Variants in TENM3 observed in about 807,000 individuals in gnomAD.
The protein encoded by TENM3 is teneurin transmembrane protein 3, also known as teneurin-3.
TENM3 carries 63 observed loss-of-function variants against 255.1 expected under a neutral mutation model. The observed-to-expected ratio is 0.25, with a 90% CI of 0.20 to 0.30. TENM3 has a LOEUF of 0.30. Among genes scored for constraint, TENM3 ranks in the 10% least tolerant of loss-of-function variants. TENM3 has a pLI of 1.00. For synonymous variants in TENM3, 1,306 were observed against 1,322.3 expected (o/e 0.99, Z 0.27); for missense variants, 2,929 against 3,461.1 (o/e 0.85, Z 3.86).
chr4:181,558,663 G>A, the TENM3 span, among the ~76,000 whole-genome samples: 2 of 152,146 alleles, frequency 1.3e-5, no homozygotes, highest in South Asian at 4.2e-4. Flanking sequence ...AGGTTGCAAC[G>A]TTTATCAATA....
chr4:181,881,963 G>A, the TENM3 span, among the ~76,000 whole-genome samples: 62 of 152,168 alleles, frequency 4.1e-4, no homozygotes, highest in South Asian at 8.3e-4. Flanking sequence ...TGCAACTTCC[G>A]TGATTTTGTA....
intron 5 of TENM3, among the ~76,000 whole-genome samples, chr4:182,646,434 C>T (rs1752747498): frequency 1.3e-5 from 2 of 152,114 alleles, no homozygotes. Context: ...CACGAGGCTA[C>T]TGGATGTGGC....
the TENM3 span, among the ~76,000 whole-genome samples, chr4:181,957,704 C>G: frequency 6.6e-6 from 1 of 152,134 alleles, no homozygotes; most frequent in Non-Finnish European, 1.5e-5. Flanking sequence ...TAGGCAGACA[C>G]TAGTTTGCTA....
At chr4:181,645,347 C>T in the TENM3 span, among the ~76,000 whole-genome samples, 712 of 152,240 alleles carry the variant, frequency 4.7e-3, 8 homozygotes, top group African/African-American at 0.016. Context: ...CATGGTGCCC[C>T]TCTGTGGCCA....
intron 1 of TENM3, among the ~76,000 whole-genome samples, chr4:182,285,766 AG>A (rs1320607063): frequency 6.6e-6 from 1 of 152,178 alleles, no homozygotes; most frequent in Admixed American, 6.6e-5. Context: ...GTGTGCGTGG[AG>A]CTACCAGAGA....
chr4:182,285,845 T>A (rs906415595), intron 1 of TENM3, among the ~76,000 whole-genome samples: 1 of 149,948 alleles, frequency 6.7e-6, no homozygotes, highest in South Asian at 2.1e-4. Flanking sequence ...CCAAAACCAC[T>A]AACCATAAAA....
chr4:182,325,198 T>C (rs1763314418), intron 2 of TENM3, among the ~76,000 whole-genome samples: 2 of 152,214 alleles, frequency 1.3e-5, no homozygotes, highest in Admixed American at 6.5e-5. Flanking sequence ...TTCATTCTTT[T>C]CCAATCACCG....
rs986084686 is a variant in TENM3 at position 182,356,719 on chromosome 4, T to A, written c.511+9790T>A. Among the ~76,000 whole-genome samples the A allele has an allele frequency of 3.9e-5, 6 of 152,048 alleles. No individual in the cohort carries two copies. In the South Asian group the frequency reaches 1.2e-3, roughly 32 times the overall value. On this transcript the variant is annotated intron_variant, in intron 3 of 27. Coordinates refer to ENST00000511685, the MANE Select transcript of TENM3 (RefSeq NM_001080477.4). ...TAAATATATTTTTAAAATTATTATT[T>A]TTTTATTATTATTATACTTTAAGTT...
chr4:182,141,694 C>G (rs1185307224), upstream of TENM3: 1 of 152,200 alleles, frequency 6.6e-6, no homozygotes, highest in Non-Finnish European at 1.5e-5. Flanking sequence ...TACTGAAAAA[C>G]TTTGAATCTC....
chr4:182,680,744 A>C lies in TENM3; in HGVS notation c.1834+7A>C. ...GGAGAAAGTTGTGAAGAAGGTAAAC[A>C]TGTCAATATTCACAGAAGTCTGTTG... On this transcript the variant is annotated splice_region_variant and intron_variant, in intron 10 of 27. Coordinates refer to ENST00000511685, the MANE Select transcript of TENM3 (RefSeq NM_001080477.4). 6.5e-7 allele frequency: 1 copy of C among 1,541,170 alleles called. No homozygotes were observed. Among genetic ancestry groups the C allele is most frequent in the South Asian group, 1.2e-5 (1 of 80,208 alleles).
chr4:181,751,805 G>A, the TENM3 span, among the ~76,000 whole-genome samples: 6 of 152,120 alleles, frequency 3.9e-5, no homozygotes, highest in African/African-American at 1.4e-4. Flanking sequence ...TTGTGTTGGG[G>A]TGGGAGTTTT....
chr4:182,157,753 CTT>C (rs1266433610), intron 1 of TENM3, among the ~76,000 whole-genome samples: 1 of 152,160 alleles, frequency 6.6e-6, no homozygotes, highest in Non-Finnish European at 1.5e-5. Flanking sequence ...AAAGACAAGA[CTT>C]TGACCAGGAG....
the TENM3 span, among the ~76,000 whole-genome samples, chr4:181,513,847 AC>A: frequency 1.3e-5 from 2 of 152,084 alleles, no homozygotes; most frequent in Non-Finnish European, 2.9e-5. Context: ...ACCACCTAAA[AC>A]CAGCCACTTG....
chr4:181,464,382 C>G, the TENM3 span, among the ~76,000 whole-genome samples: 1 of 152,130 alleles, frequency 6.6e-6, no homozygotes, highest in Non-Finnish European at 1.5e-5. Flanking sequence ...TTTTCATTTG[C>G]CTTTACCTAA....
the TENM3 span, among the ~76,000 whole-genome samples, chr4:181,929,092 C>T: frequency 6.6e-6 from 1 of 152,008 alleles, no homozygotes. Flanking sequence ...TTGTAAAGAC[C>T]GTCGACACTA....
chr4:181,603,066 C>T, the TENM3 span, among the ~76,000 whole-genome samples: 2 of 152,076 alleles, frequency 1.3e-5, no homozygotes, highest in East Asian at 1.9e-4. Flanking sequence ...ACTCTCCAAA[C>T]GTTTATTAGG....
chr4:182,499,727 C>T (rs1284691685), intron 3 of TENM3, among the ~76,000 whole-genome samples: 2 of 152,144 alleles, frequency 1.3e-5, no homozygotes, highest in East Asian at 3.8e-4. Context: ...AAATAGACAA[C>T]TGATGACAGA....
chr4:181,498,551 T>C, the TENM3 span, among the ~76,000 whole-genome samples: 3 of 151,602 alleles, frequency 2.0e-5, no homozygotes, highest in Admixed American at 2.0e-4. Flanking sequence ...AGTGGGAAAA[T>C]TATAGCTGTT....
At chr4:181,705,038 AAACAAAACAAAAC>A in the TENM3 span, among the ~76,000 whole-genome samples, 1 of 28,170 alleles carries the variant, frequency 3.5e-5, no homozygotes, top group Non-Finnish European at 8.7e-5. Context: ...TCCATCTCAA[AAACAAAACAAAAC>A]AAAAAAAAAA....
Sources: gnomAD v4.1 joint callset for allele counts (sites outside exome capture counted in the v4.1 genomes callset) on GRCh38, gnomAD v4.1.1 for gene constraint, MANE v1.5 for transcripts, NCBI Gene and HGNC (gene_info 2026-07-23, HGNC 2026-07-21) for gene names.